PGPEP1: variants seen among roughly 807,000 people sequenced by gnomAD.
PGPEP1 encodes the protein pyroglutamyl-peptidase 1.
A neutral mutation model predicts 24.1 loss-of-function variants in PGPEP1; 15 were observed. The ratio of observed to expected loss-of-function variants is 0.62; its 90% confidence interval spans 0.42 to 0.96. PGPEP1 has a LOEUF of 0.96. Among genes scored for constraint, PGPEP1 ranks in the 40% least tolerant of loss-of-function variants. The probability of loss-of-function intolerance (pLI) is 0.00; values close to 1 mark genes in which losing one functional copy is unlikely to be tolerated. For synonymous variants in PGPEP1, 122 were observed against 116.4 expected, an observed-to-expected ratio of 1.05 and a Z score of -0.31; for missense variants, 242 against 273.4, an observed-to-expected ratio of 0.89 and a Z score of 0.81.
In PGPEP1 at chr19:18,343,313, C is replaced by A. The variant is rs554808170; in HGVS notation, c.87+402C>A. Among the ~76,000 whole-genome samples the A allele has an allele frequency of 2.6e-5, 4 of 152,200 alleles. No homozygotes were observed. In the South Asian group the frequency reaches 8.3e-4, roughly 31 times the overall value. ...CTACGCCCAGCCAGCTCTTAAAAAA[C>A]GATGTCGGATCCACATCTCTTCCTG... On this transcript the variant is annotated intron_variant, in intron 2 of 4. Transcript: ENST00000269919.
At chr19:18,362,575 A>T (rs1234456261) in intron 4 of PGPEP1, among the ~76,000 whole-genome samples, 2 of 150,968 alleles carry the variant, frequency 1.3e-5, no homozygotes, top group Non-Finnish European at 3.0e-5. Context: ...AAAATACAAA[A>T]ATTAGCCAGA....
Position 18,340,622 on chromosome 19 carries a change from G to C in PGPEP1, c.-60G>C, listed in dbSNP as rs985895735. ...CCTCGCGCGGCCGAGAGGCTGCAGC[G>C]GCAGCAGCTGTCGCGCCAGTCGCAA... On this transcript the variant is annotated 5_prime_UTR_variant, in exon 1 of 5. Transcript: ENST00000269919. 11 of 1,462,856 alleles carry C rather than the reference G, an allele frequency of 7.5e-6. No individual in the cohort carries two copies. The highest frequency in any genetic ancestry group is 1.3e-5 in the South Asian group (1 of 78,538). 90.6% of individuals were successfully genotyped at this position (1,462,856 alleles called of 1,614,324 possible).
chr19:18,355,221 G>A (rs10423008), intron 2 of PGPEP1, among the ~76,000 whole-genome samples: 98,099 of 150,726 alleles, frequency 0.65, 32,023 homozygotes, highest in Middle Eastern at 0.78. Context: ...CGCCTGCCTC[G>A]GCCTCCCAAA....
intron 2 of PGPEP1, among the ~76,000 whole-genome samples, chr19:18,355,353 C>T (rs989677509): frequency 4.6e-5 from 7 of 152,064 alleles, no homozygotes; most frequent in Middle Eastern, 3.4e-3. Context: ...CTCTGCCTCC[C>T]GGGTTCAAGT....
intron 4 of PGPEP1, among the ~76,000 whole-genome samples, chr19:18,362,321 C>T (rs189555682): frequency 5.9e-5 from 9 of 152,114 alleles, no homozygotes; most frequent in South Asian, 2.1e-4. Context: ...GCAGGAGAAT[C>T]GCTTGAACCC....
intron 1 of PGPEP1, among the ~76,000 whole-genome samples, chr19:18,341,028 C>G (rs1970657651): frequency 6.6e-6 from 1 of 152,140 alleles, no homozygotes; most frequent in Non-Finnish European, 1.5e-5. Flanking sequence ...GCACCTGCCT[C>G]CTCTGTCTGG....
At chr19:18,347,308 A>G (rs2144538418) in intron 2 of PGPEP1, among the ~76,000 whole-genome samples, 1 of 68,862 alleles carries the variant, frequency 1.5e-5, no homozygotes, top group African/African-American at 5.4e-5. Context: ...GGATTTGGCT[A>G]TGTTGCCCAG....
intron 4 of PGPEP1, among the ~76,000 whole-genome samples, chr19:18,362,779 C>G (rs1244321903): frequency 6.7e-6 from 1 of 150,118 alleles, no homozygotes; most frequent in African/African-American, 2.4e-5. Flanking sequence ...GTAGTCCCAG[C>G]TACTCAGGAG....
chr19:18,346,987 C>CCT (rs34604371), intron 2 of PGPEP1, among the ~76,000 whole-genome samples: 1,571 of 151,096 alleles, frequency 0.01, 40 homozygotes, highest in African/African-American at 0.036. Flanking sequence ...TCTCTTTCTG[C>CCT]CTCTCTCTCT....
rs1971418425 is a variant in PGPEP1 at position 18,363,550 on chromosome 19, A to G, written c.597A>G (p.Ser199=). 5.6e-6 allele frequency: 9 copies of G among 1,614,010 alleles called. No homozygotes were observed. The East Asian group carries it at 1.8e-4, about 32-fold the overall frequency. ...IEEMLDLLEQ[S]EGKINYCHKH ...AGATGTTGGACCTCCTGGAGCAGTCAGAGGGCAAAATCAACTATTGCCACA... is the reference window on the plus strand; with the variant it reads ...AGATGTTGGACCTCCTGGAGCAGTCGGAGGGCAAAATCAACTATTGCCACA... Residue 199 remains serine, a synonymous_variant, in exon 5 of 5, where the codon TCA becomes TCG. Transcript: ENST00000269919.
intron 2 of PGPEP1, among the ~76,000 whole-genome samples, chr19:18,347,319 A>G (rs11882581): frequency 0.87 from 119,764 of 138,056 alleles, 52,511 homozygotes; most frequent in Non-Finnish European, 0.93. Context: ...TGTTGCCCAG[A>G]CTGGTCTCAA....
chr19:18,351,055 T>C (rs981300608), intron 2 of PGPEP1, among the ~76,000 whole-genome samples: 4 of 152,114 alleles, frequency 2.6e-5, no homozygotes, highest in Middle Eastern at 3.4e-3. Flanking sequence ...GGGCGGATCA[T>C]GAGGTCAGGA....
At chr19:18,342,725 G>A (rs1412644299) in intron 1 of PGPEP1, 134 bp from the exon 2 acceptor site, 20 of 686,340 alleles carry the variant, frequency 2.9e-5, no homozygotes, top group South Asian at 2.3e-4. Flanking sequence ...TCAGGACCAG[G>A]CCCCCAATGT....
intron 2 of PGPEP1, among the ~76,000 whole-genome samples, chr19:18,347,270 CTTTTTTTTTT>C (rs59936417): frequency 1.1e-5 from 1 of 94,420 alleles, no homozygotes; most frequent in East Asian, 2.9e-4. Flanking sequence ...TTCTTTCTTT[CTTTTTTTTTT>C]TTTTTTTTGT....
chr19:18,340,701 C>T lies in PGPEP1; in HGVS notation c.20C>T (p.Ala7Val), dbSNP rs1471240399. Residue 7 changes from alanine to valine, a missense_variant, in exon 1 of 5, where the codon GCG becomes GTG. By Grantham distance (64) the Ala-to-Val change is moderately conservative. Transcript: ENST00000269919. ...CCCGCCATGGAGCAGCCGAGGAAGG[C>T]GGTGGTAGTGACGGGTACGCTGGCT... MEQPRKAVVVTGFGPFG... is the reference protein window; with the variant it reads MEQPRKVVVVTGFGPFG... 6.5e-7 allele frequency: 1 copy of T among 1,535,652 alleles called. No individual in the cohort carries two copies. The highest frequency in any genetic ancestry group is 1.2e-5 in the South Asian group (1 of 83,466).
intron 2 of PGPEP1, among the ~76,000 whole-genome samples, chr19:18,355,136 T>A (rs780539228): frequency 4.0e-5 from 6 of 151,604 alleles, no homozygotes; most frequent in Non-Finnish European, 5.9e-5. Flanking sequence ...GCCCAGCCAA[T>A]TTTTTTGTAT....
chr19:18,363,032 T>TC (rs1491540208), intron 4 of PGPEP1, among the ~76,000 whole-genome samples: 1 of 132,856 alleles, frequency 7.5e-6, no homozygotes, highest in African/African-American at 2.9e-5. Context: ...GTTTTTTTTG[T>TC]TTGTGTGTGT....
At chr19:18,346,144 T>C (rs546776905) in intron 2 of PGPEP1, among the ~76,000 whole-genome samples, 1 of 152,222 alleles carries the variant, frequency 6.6e-6, no homozygotes, top group East Asian at 1.9e-4. Flanking sequence ...TGCAGACTTT[T>C]TTGCGCCAGT....
chr19:18,340,692 C>G lies in PGPEP1; in HGVS notation c.11C>G (p.Pro4Arg). MEQ[P>R]RKAVVVTGFG... ...CAGCCCGATCCCGCCATGGAGCAGC[C>G]GAGGAAGGCGGTGGTAGTGACGGGT... Residue 4 changes from proline to arginine, a missense_variant, in exon 1 of 5, where the codon CCG (proline) becomes CGG (arginine). Coordinates refer to ENST00000269919, the MANE Select transcript of PGPEP1 (RefSeq NM_017712.4). 6.5e-7 allele frequency: 1 copy of G among 1,540,866 alleles called. No homozygotes were observed. The highest frequency in any genetic ancestry group is 8.7e-7 in the Non-Finnish European group (1 of 1,144,908).
Sources: gnomAD v4.1 joint callset for allele counts (sites outside exome capture counted in the v4.1 genomes callset) on GRCh38, gnomAD v4.1.1 for gene constraint, MANE v1.5 for transcripts, NCBI Gene and HGNC (gene_info 2026-07-23, HGNC 2026-07-21) for gene names.